Variants in NCKAP5 observed in about 807,000 individuals in gnomAD.
NCKAP5 encodes nck-associated protein 5.
In NCKAP5, 92 loss-of-function variants were observed where a neutral mutation model predicts 167.0. That is an observed-to-expected ratio of 0.55 (90% CI 0.47 to 0.66). NCKAP5 has a LOEUF of 0.66. Among genes scored for constraint, NCKAP5 ranks in the 30% least tolerant of loss-of-function variants. The pLI, the probability that NCKAP5 is intolerant of heterozygous loss-of-function variation, is 0.00. For synonymous variants in NCKAP5, 891 were observed against 877.4 expected (o/e 1.02, Z -0.27); for missense variants, 2,378 against 2,315.0 (o/e 1.03, Z -0.56).
At chr2:133,294,488 A>G (rs1007927881) in intron 4 of NCKAP5, among the ~76,000 whole-genome samples, 1 of 152,196 alleles carries the variant, frequency 6.6e-6, no homozygotes, top group Non-Finnish European at 1.5e-5. Context: ...TAATTTCTAG[A>G]TAACATTTTA....
chr2:133,165,537 A>G (rs2083965128), intron 5 of NCKAP5, among the ~76,000 whole-genome samples: 1 of 152,206 alleles, frequency 6.6e-6, no homozygotes, highest in Admixed American at 6.5e-5. Context: ...GTGTGTCAAG[A>G]GAGGAAAGCA....
chr2:133,132,131 T>TA (rs1386416028), intron 5 of NCKAP5, among the ~76,000 whole-genome samples: 7 of 151,668 alleles, frequency 4.6e-5, no homozygotes, highest in Middle Eastern at 3.2e-3. Flanking sequence ...CTACTAAAAA[T>TA]AAAAAAATTA....
intron 19 of NCKAP5, among the ~76,000 whole-genome samples, chr2:132,711,814 C>T (rs1688869146): frequency 1.3e-5 from 2 of 152,140 alleles, no homozygotes; most frequent in Admixed American, 1.3e-4. Context: ...CTTCCTCCCT[C>T]CCTGCCTCCC....
chr2:133,495,992 G>T (rs754655506), intron 3 of NCKAP5, among the ~76,000 whole-genome samples: 6 of 152,058 alleles, frequency 3.9e-5, no homozygotes, highest in Non-Finnish European at 7.4e-5. Context: ...AGTATTCAAG[G>T]TTATAAATTT....
intron 5 of NCKAP5, among the ~76,000 whole-genome samples, chr2:133,193,562 C>G (rs1433834593): frequency 1.3e-5 from 2 of 152,050 alleles, no homozygotes; most frequent in Non-Finnish European, 2.9e-5. Context: ...TTAGTGTATT[C>G]TAGTGATTAT....
chr2:133,354,702 A>G (rs979566120), intron 3 of NCKAP5, among the ~76,000 whole-genome samples: 2 of 152,130 alleles, frequency 1.3e-5, no homozygotes, highest in Admixed American at 6.6e-5. Context: ...ATTTACTTCT[A>G]TTTTTTCTAG....
At chr2:133,373,217 C>T (rs112189266) in intron 3 of NCKAP5, among the ~76,000 whole-genome samples, 1,656 of 152,148 alleles carry the variant, frequency 0.011, 23 homozygotes, top group Middle Eastern at 0.041. Context: ...GGCCACCATG[C>T]CTGGCTAATT....
At chr2:133,065,805 A>G (rs1050537432) in intron 6 of NCKAP5, among the ~76,000 whole-genome samples, 5 of 152,214 alleles carry the variant, frequency 3.3e-5, no homozygotes, top group African/African-American at 1.2e-4. Flanking sequence ...TCAAAGCGGT[A>G]GTAGAGTCTT....
intron 4 of NCKAP5, among the ~76,000 whole-genome samples, chr2:133,290,728 C>CTTTTTTTTTT (rs58758295): frequency 3.5e-3 from 313 of 88,596 alleles, no homozygotes; most frequent in Admixed American, 4.4e-3. Context: ...AGAATTTCTC[C>CTTTTTTTTTT]TTTTTTTTTT....
At chr2:132,696,608 G>C (rs1310385077) in intron 19 of NCKAP5, among the ~76,000 whole-genome samples, 1 of 152,128 alleles carries the variant, frequency 6.6e-6, no homozygotes, top group Non-Finnish European at 1.5e-5. Flanking sequence ...TGATTCCAGA[G>C]CCTGTAGTCT....
At position 132,971,254 on chromosome 2, in the gene NCKAP5, T is replaced by C. The variant is rs111997750; in HGVS notation, c.430-7385A>G. On this transcript the variant is annotated intron_variant, in intron 7 of 19. Coordinates refer to ENST00000409261, the MANE Select transcript of NCKAP5 (RefSeq NM_207363.3). ...ATAATAGAGCGATATAAATGAGAGG[T>C]TGGGAGAGGTTTCCCAGAATGAGGT... 3.0e-3 allele frequency among the ~76,000 whole-genome samples: 453 copies of C among 151,924 alleles called. 1 individual carries two copies. Among genetic ancestry groups the C allele is most frequent in the African/African-American group, 9.9e-3 (411 of 41,420 alleles).
intron 11 of NCKAP5, among the ~76,000 whole-genome samples, chr2:132,812,147 G>A (rs1438668816): frequency 6.6e-6 from 1 of 152,148 alleles, no homozygotes; most frequent in Non-Finnish European, 1.5e-5. Context: ...TGCAGGAGCG[G>A]TCGCTTCCTT....
At chr2:133,506,464 T>A (rs756149806) in intron 3 of NCKAP5, among the ~76,000 whole-genome samples, 1 of 152,130 alleles carries the variant, frequency 6.6e-6, no homozygotes, top group Non-Finnish European at 1.5e-5. Flanking sequence ...ATGGGCCCCA[T>A]TCCCTCTGGC....
intron 3 of NCKAP5, among the ~76,000 whole-genome samples, chr2:133,514,645 C>G (rs979501160): frequency 2.0e-5 from 3 of 151,980 alleles, no homozygotes; most frequent in African/African-American, 7.3e-5. Context: ...CCTCTGGGCC[C>G]CCTAACTCTC....
chr2:132,672,225 TAA>T lies in NCKAP5; in HGVS notation c.*1062_*1063del, dbSNP rs1683837384. On this transcript the variant is annotated 3_prime_UTR_variant, in exon 20 of 20. Coordinates refer to ENST00000409261, the MANE Select transcript of NCKAP5 (RefSeq NM_207363.3). ...CATTTTTAGAGTGCCCAGATTTTAATAAAAAGAGCAAGAAGATAAAAATCAAA... is the reference window on the plus strand; with the variant it reads ...CATTTTTAGAGTGCCCAGATTTTAATAAAGAGCAAGAAGATAAAAATCAAA... The T allele has an allele frequency of 6.6e-6, 1 of 152,474 alleles. No individual in the cohort carries two copies. The highest frequency in any genetic ancestry group is 2.4e-5 in the African/African-American group (1 of 41,414). The allele number at this position is 152,474 out of a possible 1,614,324, so 9.4% of individuals were successfully genotyped here.
At position 132,956,148 on chromosome 2, in the gene NCKAP5, T is replaced by C. The variant is rs2076336978; in HGVS notation, c.579+7572A>G. On this transcript the variant is annotated intron_variant, in intron 8 of 19. Coordinates refer to ENST00000409261, the MANE Select transcript of NCKAP5 (RefSeq NM_207363.3). Reference sequence around the variant, plus strand: ...GTGATGGATATGTTAACTAGCTTGATGTAATTATTACATGTTGTATTATCA... The same window carrying C: ...GTGATGGATATGTTAACTAGCTTGACGTAATTATTACATGTTGTATTATCA... 2.0e-5 allele frequency among the ~76,000 whole-genome samples: 3 copies of C among 152,246 alleles called. 1 individual carries two copies. Among genetic ancestry groups the C allele is most frequent in the South Asian group, 4.1e-4 (2 of 4,828 alleles).
chr2:133,393,756 T>C (rs1559448034), intron 3 of NCKAP5, among the ~76,000 whole-genome samples: 1 of 152,198 alleles, frequency 6.6e-6, no homozygotes, highest in African/African-American at 2.4e-5. Context: ...AGTCCTTTTG[T>C]TCTCTAAGTC....
chr2:133,079,747 T>C (rs2149587400), intron 6 of NCKAP5, among the ~76,000 whole-genome samples: 1 of 152,296 alleles, frequency 6.6e-6, no homozygotes, highest in African/African-American at 2.4e-5. Context: ...ATTAATACAT[T>C]TCTAAGTTTC....
intron 5 of NCKAP5, among the ~76,000 whole-genome samples, chr2:133,168,371 A>G (rs1054747127): frequency 6.6e-6 from 1 of 151,466 alleles, no homozygotes; most frequent in Non-Finnish European, 1.5e-5. Flanking sequence ...CCCCCAACCA[A>G]CACTTTCCCT....
Sources: allele counts gnomAD v4.1 joint callset (sites outside exome capture counted in the v4.1 genomes callset), GRCh38; gene constraint gnomAD v4.1.1; transcripts MANE v1.5; gene names NCBI Gene and HGNC (gene_info 2026-07-23, HGNC 2026-07-21).